PCDH15: variants seen among roughly 807,000 people sequenced by gnomAD.
The protein encoded by PCDH15 is protocadherin related 15, also known as protocadherin-15.
A neutral mutation model predicts 178.5 loss-of-function variants in PCDH15; 129 were observed. The ratio of observed to expected loss-of-function variants is 0.72; its 90% CI spans 0.63 to 0.84. The LOEUF (loss-of-function observed/expected upper bound fraction) is 0.84, where lower values mean the gene tolerates loss of function less well. PCDH15 is among the 40% of genes least tolerant of loss of function. The pLI is 0.00. For missense variants in PCDH15, 2,230 were observed against 2,099.9 expected, an observed-to-expected ratio of 1.06 and a Z score of -1.21; for synonymous variants, 800 against 732.0, an observed-to-expected ratio of 1.09 and a Z score of -1.50.
At chr10:55,164,142 TCA>T (rs1170420713) in intron 2 of PCDH15, among the ~76,000 whole-genome samples, 1 of 152,108 alleles carries the variant, frequency 6.6e-6, no homozygotes, top group African/African-American at 2.4e-5. Context: ...AGTTTGAGTC[TCA>T]GTCTCTGTTT....
At chr10:54,443,473 T>C (rs2075963065) in intron 3 of PCDH15, among the ~76,000 whole-genome samples, 1 of 151,318 alleles carries the variant, frequency 6.6e-6, no homozygotes, top group South Asian at 2.1e-4. Context: ...CATGTAACTC[T>C]ACACAAATGT....
intron 8 of PCDH15, among the ~76,000 whole-genome samples, chr10:54,253,101 T>G (rs1395011798): frequency 6.6e-6 from 1 of 152,018 alleles, no homozygotes; most frequent in Non-Finnish European, 1.5e-5. Flanking sequence ...GGGAAAACAA[T>G]TACCTAGTAA....
At chr10:54,551,133 C>A (rs1303379558) in intron 2 of PCDH15, among the ~76,000 whole-genome samples, 1 of 115,512 alleles carries the variant, frequency 8.7e-6, no homozygotes, top group African/African-American at 3.3e-5. Context: ...ACAGCCTGGG[C>A]TACAGGCTGA....
intron 3 of PCDH15, among the ~76,000 whole-genome samples, chr10:54,432,459 C>T (rs1957079835): frequency 1.3e-5 from 2 of 151,996 alleles, no homozygotes. Flanking sequence ...AATGAAGATG[C>T]CAAAAACATA....
chr10:53,980,870 T>G (rs2090580868), intron 21 of PCDH15, among the ~76,000 whole-genome samples: 3 of 152,336 alleles, frequency 2.0e-5, no homozygotes, highest in African/African-American at 7.2e-5. Context: ...CAATTTTTTT[T>G]GGTTCATGAT....
At chr10:53,815,167 T>A (rs2076017576) in intron 35 of PCDH15, among the ~76,000 whole-genome samples, 1 of 152,140 alleles carries the variant, frequency 6.6e-6, no homozygotes. Context: ...ATCAAACACT[T>A]AATGTAATTT....
chr10:54,897,251 A>G (rs2131821799), intron 3 of PCDH15, among the ~76,000 whole-genome samples: 1 of 152,336 alleles, frequency 6.6e-6, no homozygotes, highest in South Asian at 2.1e-4. Context: ...CAAATAGTGG[A>G]CATCTCTATA....
Position 55,047,906 on chromosome 10 carries a change from A to G in PCDH15, c.-80+118670T>C, listed in dbSNP as rs977519433. ...GAAATAAAAATGTGGACACATTTTAATCAGTAAGTAAGTGTGTTGATTGTG... is the reference window on the plus strand; with the variant it reads ...GAAATAAAAATGTGGACACATTTTAGTCAGTAAGTAAGTGTGTTGATTGTG... On this transcript the variant is annotated intron_variant, in intron 2 of 5. Coordinates refer to the PCDH15 transcript ENST00000458638. Among the ~76,000 whole-genome samples the G allele has an allele frequency of 2.0e-5, 3 of 151,838 alleles. No homozygotes were observed. In the South Asian group the frequency reaches 6.2e-4, roughly 31 times the overall value.
chr10:55,600,433 C>T (rs1405768129), intron 2 of PCDH15, among the ~76,000 whole-genome samples: 2 of 152,010 alleles, frequency 1.3e-5, no homozygotes, highest in East Asian at 3.9e-4. Context: ...TAAACTAAGA[C>T]CGCACTAGTG....
intron 2 of PCDH15, chr10:54,599,636 C>A: frequency 2.9e-6 from 1 of 349,392 alleles, no homozygotes; most frequent in Admixed American, 4.1e-5. Flanking sequence ...GCAATCACAG[C>A]AAAAGCAAAA....
At chr10:54,797,803 CA>C (rs965724369) in intron 1 of PCDH15, among the ~76,000 whole-genome samples, 48 of 151,850 alleles carry the variant, frequency 3.2e-4, no homozygotes, top group African/African-American at 9.2e-4. Flanking sequence ...TATGTGTGGG[CA>C]GGGGGGGAGC....
At chr10:55,234,406 T>G (rs1182160436) in intron 1 of PCDH15, among the ~76,000 whole-genome samples, 1 of 151,968 alleles carries the variant, frequency 6.6e-6, no homozygotes, top group East Asian at 1.9e-4. Context: ...AGTACAGATT[T>G]GTCATTTTTT....
chr10:54,383,627 T>TGTGTGTGTGTGTG (rs1589141516), intron 3 of PCDH15, among the ~76,000 whole-genome samples: 11 of 104,800 alleles, frequency 1.0e-4, no homozygotes, highest in African/African-American at 2.2e-4. Flanking sequence ...GTATGTGTGT[T>TGTGTGTGTGTGTG]TTTGTGTGTG....
At chr10:54,107,582 C>G (rs987940058) in intron 15 of PCDH15, among the ~76,000 whole-genome samples, 5 of 152,000 alleles carry the variant, frequency 3.3e-5, no homozygotes, top group African/African-American at 1.2e-4. Flanking sequence ...TTTTGGGGAG[C>G]CAAATGGACT....
intron 4 of PCDH15, among the ~76,000 whole-genome samples, chr10:54,373,625 AT>A (rs1233279119): frequency 1.3e-5 from 2 of 152,034 alleles, no homozygotes; most frequent in African/African-American, 4.8e-5. Flanking sequence ...AATGGTAGGT[AT>A]TTGTTATATG....
intron 2 of PCDH15, among the ~76,000 whole-genome samples, chr10:55,514,310 T>A (rs529715160): frequency 6.6e-6 from 1 of 152,276 alleles, no homozygotes; most frequent in South Asian, 2.1e-4. Flanking sequence ...GTTTCAGATT[T>A]CTCATTGAAG....
chr10:55,370,337 A>G, intron 2 of PCDH15, among the ~76,000 whole-genome samples: 1 of 152,170 alleles, frequency 6.6e-6, no homozygotes, highest in Non-Finnish European at 1.5e-5. Context: ...ATTGCTAAAG[A>G]CAGCAAAAAA....
intron 1 of PCDH15, among the ~76,000 whole-genome samples, chr10:54,751,226 A>C (rs1946185018): frequency 6.6e-6 from 1 of 152,132 alleles, no homozygotes; most frequent in Admixed American, 6.5e-5. Flanking sequence ...GCCAGATAAG[A>C]TTTATCTCTA....
At chr10:54,081,878 C>T (rs777011828) in intron 16 of PCDH15, among the ~76,000 whole-genome samples, 1 of 151,906 alleles carries the variant, frequency 6.6e-6, no homozygotes, top group South Asian at 2.1e-4. Context: ...CGCCACAAAA[C>T]GTCAAAAAAT....
Sources: allele counts gnomAD v4.1 joint callset (sites outside exome capture counted in the v4.1 genomes callset), GRCh38; gene constraint gnomAD v4.1.1; transcripts MANE v1.5; gene names NCBI Gene and HGNC (gene_info 2026-07-23, HGNC 2026-07-21).